Variants in RGCC observed in about 807,000 individuals in gnomAD.
The protein encoded by RGCC is regulator of cell cycle.
In RGCC, 15 loss-of-function variants were observed where a neutral mutation model predicts 15.4. The ratio of observed to expected loss-of-function variants is 0.97; its 90% CI spans 0.65 to 1.50. The LOEUF is 1.50. RGCC is among the 40% of genes most tolerant of loss of function. The pLI is 0.00. For synonymous variants in RGCC, 81 were observed against 78.0 expected, an observed-to-expected ratio of 1.04 and a Z score of -0.20; for missense variants, 176 against 189.7, an observed-to-expected ratio of 0.93 and a Z score of 0.42.
intron 4 of RGCC, 149 bp downstream of exon 4, chr13:41,468,987 C>A: frequency 1.6e-6 from 1 of 606,508 alleles, no homozygotes; most frequent in Non-Finnish European, 2.9e-6. Flanking sequence ...TAGGCCGGGG[C>A]AGTGGCTCAC....
chr13:41,469,286 TAATAATAATAAGAAGAAGAAGAAGAAG>T (rs1234415704), intron 4 of RGCC, among the ~76,000 whole-genome samples: 3 of 113,992 alleles, frequency 2.6e-5, no homozygotes, highest in Non-Finnish European at 5.5e-5. Context: ...ATAATAATAA[TAATAATAATAAGAAGAAGAAGAAGAAG>T]AAGAAGAAGA....
At chr13:41,465,394 C>T (rs1332941028) in intron 2 of RGCC, among the ~76,000 whole-genome samples, 3 of 152,184 alleles carry the variant, frequency 2.0e-5, no homozygotes, top group Non-Finnish European at 2.9e-5. Context: ...GCCAGCAGCC[C>T]CTTTCTGAGT....
chr13:41,458,454 C>T lies in RGCC; in HGVS notation c.219C>T (p.Gly73=). 2.5e-6 allele frequency: 4 copies of T among 1,598,382 alleles called. No homozygotes were observed. The highest frequency in any genetic ancestry group is 3.4e-6 in the Non-Finnish European group (4 of 1,177,450). ...GCGCCAGTGTCAGCGACAGCAGCGG[C>T]TTCAGCGACTCGGAGAGTAAGTGCG... ...RSSASVSDSS[G]FSDSESADSL... Residue 73 remains glycine (G), a synonymous_variant, in exon 2 of 5, where the codon GGC becomes GGT. Transcript: ENST00000379359. The surrounding 1 kb of genome is among the most constrained non-coding windows in gnomAD (Gnocchi z 4.4).
rs772565358 is a variant in RGCC, at chr13:41,458,321, C to T, written c.86C>T (p.Ser29Leu). The change falls in exon 2 of 5, where the codon TCG becomes TTG. Residue 29 changes from serine to leucine, a missense_variant. Transcript: ENST00000379359. The surrounding 1 kb of genome is among the most constrained non-coding windows in gnomAD (Gnocchi z 4.4). ...ALDSAAAEDLSDALCEFDAVL... is the reference protein window; with the variant it reads ...ALDSAAAEDLLDALCEFDAVL... Reference sequence around the variant, plus strand: ...GACTCGGCGGCCGCGGAGGACCTGTCGGACGCGCTGTGCGAGTTTGACGCG... The same window carrying T: ...GACTCGGCGGCCGCGGAGGACCTGTTGGACGCGCTGTGCGAGTTTGACGCG... 1.9e-6 allele frequency: 3 copies of T among 1,584,670 alleles called. No individual in the cohort carries two copies. In the African/African-American group the frequency reaches 4.0e-5, roughly 21 times the overall value.
In RGCC at chr13:41,458,211, C is replaced by G. The variant is rs1048662104; in HGVS notation, c.50-74C>G. 49 of 1,251,102 alleles carry G rather than the reference C, an allele frequency of 3.9e-5. No homozygotes were observed. In the African/African-American group the frequency reaches 6.2e-4, roughly 16 times the overall value. The allele number at this position is 1,251,102 out of a possible 1,614,324, so 77.5% of individuals were successfully genotyped here. On this transcript the variant is annotated intron_variant, in intron 1 of 4. Coordinates refer to ENST00000379359, the MANE Select transcript of RGCC (RefSeq NM_014059.3). The surrounding 1 kb of genome is among the most constrained non-coding windows in gnomAD (Gnocchi z 4.4). Reference sequence around the variant, plus strand: ...CAGTTATCTTCGGGAACCGTGGCGGCCCCTCCTGGCCCTGGGAGGTGGTCC... The same window carrying G: ...CAGTTATCTTCGGGAACCGTGGCGGGCCCTCCTGGCCCTGGGAGGTGGTCC...
intron 2 of RGCC, among the ~76,000 whole-genome samples, chr13:41,466,230 CAT>C (rs770985217): frequency 1.5e-4 from 23 of 150,550 alleles, no homozygotes; most frequent in Non-Finnish European, 3.1e-4. Context: ...CTCACACACA[CAT>C]ATTCTCACAC....
At position 41,458,290 on chromosome 13, in the gene RGCC, G is replaced by A. The variant is rs1485015917; in HGVS notation, c.55G>A (p.Ala19Thr). Residue 19 changes from alanine to threonine, a missense_variant, in exon 2 of 5, where the codon GCC (alanine) becomes ACC (threonine). By Grantham distance (58) the Ala-to-Thr change is moderately conservative (BLOSUM62 0). Coordinates refer to ENST00000379359, the MANE Select transcript of RGCC (RefSeq NM_014059.3). The surrounding 1 kb of genome is among the most constrained non-coding windows in gnomAD (Gnocchi z 4.4). ...SPAAAAAAAP[A>T]LDSAAAEDLS... ...GCCCCTGGCCCTGCCCGCAGCCCCG[G>A]CCCTGGACTCGGCGGCCGCGGAGGA... 13 of 1,573,100 alleles carry A rather than the reference G, an allele frequency of 8.3e-6. No individual in the cohort carries two copies. Among genetic ancestry groups the A allele is most frequent in the Non-Finnish European group, 1.1e-5 (13 of 1,166,846 alleles).
intron 2 of RGCC, among the ~76,000 whole-genome samples, chr13:41,460,475 C>A: frequency 6.6e-6 from 1 of 152,134 alleles, no homozygotes; most frequent in East Asian, 1.9e-4. Flanking sequence ...TTAGCAAACG[C>A]TTGTTATGAT....
intron 2 of RGCC, among the ~76,000 whole-genome samples, chr13:41,464,412 G>A (rs1276441374): frequency 6.6e-6 from 1 of 152,188 alleles, no homozygotes; most frequent in Non-Finnish European, 1.5e-5. Context: ...CCAGCTTCCT[G>A]TGTGTAGGGG....
Position 41,470,590 on chromosome 13 carries a change from G to A in RGCC, c.*105G>A, listed in dbSNP as rs912769006. 2.5e-5 allele frequency: 29 copies of A among 1,147,708 alleles called. 1 individual carries two copies. Among genetic ancestry groups the A allele is most frequent in the South Asian group, 2.4e-4 (19 of 80,658 alleles). 71.1% of individuals were successfully genotyped at this position (1,147,708 alleles called of 1,614,324 possible). On this transcript the variant is annotated 3_prime_UTR_variant, in exon 5 of 5. Transcript: ENST00000379359. ...ATCTGCTGCCAGAGGGGACAAAGACGTGCACTCAACCTTCTACCAGGCCAC... is the reference window on the plus strand; with the variant it reads ...ATCTGCTGCCAGAGGGGACAAAGACATGCACTCAACCTTCTACCAGGCCAC...
At chr13:41,460,203 T>C (rs2043814549) in intron 2 of RGCC, among the ~76,000 whole-genome samples, 1 of 152,212 alleles carries the variant, frequency 6.6e-6, no homozygotes, top group African/African-American at 2.4e-5. Context: ...GTCTTTGCTT[T>C]AAATGTGTAG....
Position 41,458,813 on chromosome 13 carries a change from G to A in RGCC, c.235+343G>A, listed in dbSNP as rs1593574901. Among the ~76,000 whole-genome samples the A allele has an allele frequency of 3.9e-5, 6 of 152,232 alleles. No homozygotes were observed. The East Asian group carries it at 1.2e-3, about 29-fold the overall frequency. The stretch of plus-strand genomic sequence containing the variant: ...CCTCTCCCCTCTCAGCTGTAACTTT[G>A]CAGATGTGGAACAAGTGCCAGTGGA... On this transcript the variant is annotated intron_variant, in intron 2 of 4. Transcript: ENST00000379359. This position sits in a 1 kb window ranked among gnomAD's most constrained non-coding sequence, Gnocchi z 4.4.
At chr13:41,469,044 G>A (rs2043861748) in intron 4 of RGCC, among the ~76,000 whole-genome samples, 1 of 152,088 alleles carries the variant, frequency 6.6e-6, no homozygotes, top group Non-Finnish European at 1.5e-5. Context: ...TGGATTACCT[G>A]AGGTCAGGAA....
chr13:41,463,891 A>G (rs2043834578), intron 2 of RGCC, among the ~76,000 whole-genome samples: 1 of 152,092 alleles, frequency 6.6e-6, no homozygotes, highest in African/African-American at 2.4e-5. Context: ...TTCTTCCAAC[A>G]TTCAATAGCG....
At position 41,457,893 on chromosome 13, in the gene RGCC, C is replaced by G; in HGVS notation, c.49+137C>G. On this transcript the variant is annotated intron_variant, in intron 1 of 4. Coordinates refer to ENST00000379359, the MANE Select transcript of RGCC (RefSeq NM_014059.3). The surrounding 1 kb of genome is among the most constrained non-coding windows in gnomAD (Gnocchi z 4.9). ...CGGGAACCTGTCCCCGGTCTTCCCG[C>G]GCGGGCGGCTGCAGCCTCCTTTCCG... 6.3e-6 allele frequency: 8 copies of G among 1,276,422 alleles called. No individual in the cohort carries two copies. The highest frequency in any genetic ancestry group is 8.1e-6 in the Non-Finnish European group (8 of 989,628). 79.1% of individuals were successfully genotyped at this position (1,276,422 alleles called of 1,614,324 possible). A position where few individuals can be genotyped will look rare whatever the true frequency, so the allele number is the denominator to read the frequency against.
intron 2 of RGCC, among the ~76,000 whole-genome samples, chr13:41,460,373 G>A (rs538856590): frequency 3.7e-4 from 57 of 152,296 alleles, no homozygotes; most frequent in African/African-American, 1.3e-3. Context: ...CTTTTCTATG[G>A]GAGAGAATGC....
intron 2 of RGCC, among the ~76,000 whole-genome samples, chr13:41,462,611 C>G (rs1010633195): frequency 2.6e-5 from 4 of 152,196 alleles, no homozygotes; most frequent in African/African-American, 9.7e-5. Flanking sequence ...CTTCGAGCCC[C>G]TATTAATAGC....
At chr13:41,461,950 G>T (rs771013692) in intron 2 of RGCC, among the ~76,000 whole-genome samples, 5 of 152,196 alleles carry the variant, frequency 3.3e-5, no homozygotes, top group Non-Finnish European at 7.3e-5. Flanking sequence ...GCTTGGCAAG[G>T]CATATAGAGG....
At chr13:41,459,733 T>G (rs925303533) in intron 2 of RGCC, among the ~76,000 whole-genome samples, 1 of 152,254 alleles carries the variant, frequency 6.6e-6, no homozygotes, top group African/African-American at 2.4e-5. Context: ...ATTTTCAATT[T>G]CAAAGCAAAG....
Sources: gnomAD v4.1 joint callset for allele counts (sites outside exome capture counted in the v4.1 genomes callset) on GRCh38, gnomAD v4.1.1 for gene constraint, Gnocchi (gnomAD v3.1) non-coding constraint, MANE v1.5 for transcripts, NCBI Gene and HGNC (gene_info 2026-07-23, HGNC 2026-07-21) for gene names.